The following COL25A1 variants were observed in gnomAD, a reference collection of about 807,000 sequenced individuals.
The protein encoded by COL25A1 is collagen type XXV alpha 1 chain, also known as collagen alpha-1(XXV) chain.
COL25A1 carries 103 observed loss-of-function variants against 128.4 expected under a neutral mutation model. The observed-to-expected ratio is 0.80, with a 90% CI of 0.68 to 0.94. The LOEUF (loss-of-function observed/expected upper bound fraction) is 0.94, where lower values mean the gene tolerates loss of function less well. Among genes scored for constraint, COL25A1 ranks in the 40% least tolerant of loss-of-function variants. The pLI, the probability that COL25A1 is intolerant of heterozygous loss-of-function variation, is 0.00. For missense variants in COL25A1, 745 were observed against 840.0 expected, an observed-to-expected ratio of 0.89 and a Z score of 1.40; for synonymous variants, 279 against 277.2, an observed-to-expected ratio of 1.01 and a Z score of -0.06.
intron 3 of COL25A1, among the ~76,000 whole-genome samples, chr4:109,152,628 G>A (rs2704106): frequency 0.62 from 94,325 of 152,086 alleles, 29,859 homozygotes; most frequent in East Asian, 0.75. Flanking sequence ...ACACCCATGG[G>A]TGAATCAACA....
chr4:108,945,974 T>C (rs555519588), intron 8 of COL25A1, among the ~76,000 whole-genome samples: 2 of 152,230 alleles, frequency 1.3e-5, no homozygotes, highest in South Asian at 2.1e-4. Flanking sequence ...CTGAAATAAT[T>C]TGTACATATT....
intron 13 of COL25A1, among the ~76,000 whole-genome samples, chr4:108,911,875 C>T (rs1744271650): frequency 6.8e-6 from 1 of 146,496 alleles, no homozygotes; most frequent in African/African-American, 2.5e-5. Context: ...TCTCAGCAAT[C>T]CCAATCGTTC....
chr4:108,834,443 A>C, intron 31 of COL25A1: 1 of 1,487,892 alleles, frequency 6.7e-7, no homozygotes, highest in South Asian at 1.2e-5. Context: ...AATGACAAGA[A>C]CAGAGATTAG....
At chr4:109,080,106 G>A (rs964697619) in intron 3 of COL25A1, among the ~76,000 whole-genome samples, 2 of 152,028 alleles carry the variant, frequency 1.3e-5, no homozygotes, top group Non-Finnish European at 2.9e-5. Context: ...TTAACAACAC[G>A]TAGCATAAGC....
At position 108,844,474 on chromosome 4, in the gene COL25A1, T is replaced by A. The variant is rs1185467507; in HGVS notation, c.1629+45A>T. ...TGTGTTCATGTTCTCTCTAGCAGCA[T>A]GCTCATAAATAAGCAATTACATTTC... On this transcript the variant is annotated intron_variant, in intron 30 of 37. Transcript: ENST00000399132. 2.5e-6 allele frequency: 4 copies of A among 1,614,122 alleles called. No homozygotes were observed. The South Asian group carries it at 4.4e-5, about 18-fold the overall frequency.
chr4:109,288,197 G>T (rs1724077866), intron 3 of COL25A1, among the ~76,000 whole-genome samples: 1 of 152,042 alleles, frequency 6.6e-6, no homozygotes, highest in Non-Finnish European at 1.5e-5. Context: ...TCAGGCCCAG[G>T]AATAACTAAG....
intron 3 of COL25A1, among the ~76,000 whole-genome samples, chr4:109,235,808 T>G (rs1235404971): frequency 6.6e-6 from 1 of 152,134 alleles, no homozygotes; most frequent in Non-Finnish European, 1.5e-5. Flanking sequence ...ACACAGATTT[T>G]GCAGTTACAT....
intron 3 of COL25A1, among the ~76,000 whole-genome samples, chr4:109,292,316 T>G (rs996146393): frequency 2.0e-5 from 3 of 152,132 alleles, no homozygotes; most frequent in Non-Finnish European, 2.9e-5. Context: ...ATCCCTGTAC[T>G]AATTAATCTC....
chr4:109,274,717 A>G (rs184180892), intron 3 of COL25A1, among the ~76,000 whole-genome samples: 9 of 152,338 alleles, frequency 5.9e-5, no homozygotes, highest in Admixed American at 5.9e-4. Context: ...TTAATTGGAA[A>G]ATGACATTTT....
intron 5 of COL25A1, among the ~76,000 whole-genome samples, chr4:109,021,461 T>A (rs1757755866): frequency 6.6e-6 from 1 of 152,186 alleles, no homozygotes; most frequent in Non-Finnish European, 1.5e-5. Flanking sequence ...AATCCTGTTA[T>A]CTCTGTAAGC....
chr4:109,229,209 A>C (rs1779003938), intron 3 of COL25A1, among the ~76,000 whole-genome samples: 1 of 152,230 alleles, frequency 6.6e-6, no homozygotes, highest in South Asian at 2.1e-4. Flanking sequence ...ATTATTCCAG[A>C]GGCATTTTGT....
intron 3 of COL25A1, among the ~76,000 whole-genome samples, chr4:109,072,287 G>T (rs1763035443): frequency 6.6e-6 from 1 of 152,172 alleles, no homozygotes; most frequent in Non-Finnish European, 1.5e-5. Context: ...TCTGTTAACA[G>T]ATGAACGATG....
At chr4:109,008,702 T>C (rs1056208735) in intron 6 of COL25A1, among the ~76,000 whole-genome samples, 2 of 152,154 alleles carry the variant, frequency 1.3e-5, no homozygotes, top group South Asian at 4.1e-4. Context: ...GTGTCATTCA[T>C]GTGAGTAATT....
At chr4:109,144,760 A>G (rs778657741) in intron 3 of COL25A1, among the ~76,000 whole-genome samples, 27 of 152,212 alleles carry the variant, frequency 1.8e-4, no homozygotes, top group Non-Finnish European at 3.8e-4. Context: ...ACAATTGTGT[A>G]AGTATTCAGA....
At chr4:108,924,964 T>C (rs1313972044) in intron 11 of COL25A1, among the ~76,000 whole-genome samples, 2 of 152,196 alleles carry the variant, frequency 1.3e-5, no homozygotes, top group Admixed American at 6.5e-5. Context: ...ACCCCTATGA[T>C]GTTTTCATAG....
chr4:108,952,289 T>A (rs1420716025), intron 8 of COL25A1, among the ~76,000 whole-genome samples: 1 of 152,114 alleles, frequency 6.6e-6, no homozygotes, highest in Admixed American at 6.6e-5. Context: ...AGCACATTTA[T>A]AATTAGAATC....
At chr4:108,960,326 A>G (rs1385793781) in intron 8 of COL25A1, among the ~76,000 whole-genome samples, 1 of 152,142 alleles carries the variant, frequency 6.6e-6, no homozygotes, top group Non-Finnish European at 1.5e-5. Context: ...ACGAAGATAT[A>G]CCACCAAAGA....
At position 109,113,406 on chromosome 4, in the gene COL25A1, C is replaced by T. The variant is rs936278763; in HGVS notation, c.368-63227G>A. ...TTAACACAAAGTTCTGTCTTGATGG[C>T]TTAACATATATGGATTTTGTGTGTG... On this transcript the variant is annotated intron_variant, in intron 3 of 37. Coordinates refer to ENST00000399132, the MANE Select transcript of COL25A1 (RefSeq NM_198721.4). 6.7e-5 allele frequency among the ~76,000 whole-genome samples: 9 copies of T among 135,056 alleles called. No homozygotes were observed. The East Asian group carries it at 1.9e-3, about 28-fold the overall frequency. 88.6% of individuals were successfully genotyped at this position (135,056 alleles called of 152,430 possible). A position where few individuals can be genotyped will look rare whatever the true frequency, so the allele number is the denominator to read the frequency against.
At chr4:109,002,163 A>G (rs1377290570) in intron 6 of COL25A1, among the ~76,000 whole-genome samples, 1 of 152,246 alleles carries the variant, frequency 6.6e-6, no homozygotes, top group Non-Finnish European at 1.5e-5. Context: ...TTTCTCAAAA[A>G]ATTAAAATAG....
Sources: gnomAD v4.1 joint callset for allele counts (sites outside exome capture counted in the v4.1 genomes callset) on GRCh38, gnomAD v4.1.1 for gene constraint, MANE v1.5 for transcripts, NCBI Gene and HGNC (gene_info 2026-07-23, HGNC 2026-07-21) for gene names.